GOSR2: variants seen among roughly 807,000 people sequenced by gnomAD.
GOSR2 encodes 27 kDa Golgi SNARE protein.
A neutral mutation model predicts 27.9 loss-of-function variants in GOSR2; 20 were observed. The observed-to-expected ratio is 0.72, with a 90% CI of 0.50 to 1.04. GOSR2 has a LOEUF of 1.04. Among genes scored for constraint, GOSR2 ranks in the 50% least tolerant of loss-of-function variants. The probability of loss-of-function intolerance (pLI) is 0.00; values close to 1 mark genes in which losing one functional copy is unlikely to be tolerated. For missense variants in GOSR2, 261 were observed against 270.5 expected (o/e 0.97, Z 0.25); for synonymous variants, 91 against 98.8 (o/e 0.92, Z 0.47).
chr17:46,933,216 T>C (rs1023508599), intron 4 of GOSR2: 2 of 152,284 alleles, frequency 1.3e-5, no homozygotes, highest in African/African-American at 4.8e-5. Flanking sequence ...CAGCCTGGCG[T>C]GATGCTGTGC....
At chr17:46,925,801 A>G (rs991977169) in intron 1 of GOSR2, among the ~76,000 whole-genome samples, 4 of 152,246 alleles carry the variant, frequency 2.6e-5, no homozygotes, top group Non-Finnish European at 5.9e-5. Context: ...TTAGATTGAC[A>G]TATTAAAGTT....
chr17:46,957,869 AG>A (rs1018203907), intron 6 of GOSR2, among the ~76,000 whole-genome samples: 34 of 152,194 alleles, frequency 2.2e-4, no homozygotes, highest in African/African-American at 8.2e-4. Context: ...ATGAGCACTC[AG>A]GGGAAACGGA....
chr17:46,942,024 T>G, downstream of GOSR2: 1 of 899,940 alleles, frequency 1.1e-6, no homozygotes, highest in Non-Finnish European at 1.3e-6. Context: ...TATCCTACCT[T>G]AGTCCAAAAA....
intron 6 of GOSR2, among the ~76,000 whole-genome samples, chr17:46,953,787 C>T (rs538733004): frequency 1.3e-5 from 2 of 152,228 alleles, no homozygotes; most frequent in Admixed American, 1.3e-4. Context: ...CTCTGATGGC[C>T]AGTGATGATG....
At position 46,939,920 on chromosome 17, in the gene GOSR2, C is replaced by A. The variant is rs1460438098; in HGVS notation, c.*1160C>A. On this transcript the variant is annotated 3_prime_UTR_variant, in exon 6 of 6. Coordinates refer to ENST00000640051, the MANE Select transcript of GOSR2 (RefSeq NM_004287.5). ...GAAAGACCTGGTTAGTGTATGTTCT[C>A]ATTTACCACAGGCCTACCAGCCCTG... The A allele has an allele frequency of 2.0e-6, 2 of 999,482 alleles. No homozygotes were observed. Among genetic ancestry groups the A allele is most frequent in the Admixed American group, 5.2e-5 (1 of 19,376 alleles). 61.9% of individuals were successfully genotyped at this position (999,482 alleles called of 1,614,324 possible).
chr17:46,931,461 C>T (rs1415578254), intron 3 of GOSR2: 21 of 536,786 alleles, frequency 3.9e-5, no homozygotes, highest in South Asian at 9.1e-5. Flanking sequence ...ATTTTGCCTC[C>T]AGTTCTGTTT....
In GOSR2 at chr17:46,974,987, C is replaced by CTT. The variant is rs58438726; in HGVS notation, c.616-187_616-186dup. Among the ~76,000 whole-genome samples, 877 of 118,932 alleles carry CTT rather than the reference C, an allele frequency of 7.4e-3. 57 individuals carry two copies. Among genetic ancestry groups the CTT allele is most frequent in the Admixed American group, 0.01 (117 of 11,228 alleles). The allele number at this position is 118,932 out of a possible 152,430, so 78.0% of individuals were successfully genotyped here. On this transcript the variant is annotated intron_variant, in intron 6 of 6. Coordinates refer to the GOSR2 transcript ENST00000640723. Reference sequence around the variant, plus strand: ...CTTTTCAAATATGAATTACTATTTTCTTTTTTTTTTTTTTTTTTTTTTTTT... The same window carrying CTT: ...CTTTTCAAATATGAATTACTATTTTCTTTTTTTTTTTTTTTTTTTTTTTTTTT...
chr17:46,965,339 T>G (rs1348329868), intron 6 of GOSR2, among the ~76,000 whole-genome samples: 1 of 152,232 alleles, frequency 6.6e-6, no homozygotes, highest in Non-Finnish European at 1.5e-5. Context: ...AAAGCCTGAG[T>G]GTTGCCTGTG....
At chr17:46,936,724 T>C (rs963340686) in intron 5 of GOSR2, 10 of 984,972 alleles carry the variant, frequency 1.0e-5, no homozygotes, top group Non-Finnish European at 1.2e-5. Context: ...ATAATCTGTG[T>C]GTTCAGAGCC....
At chr17:46,949,914 G>A (rs1383901174) in intron 6 of GOSR2, among the ~76,000 whole-genome samples, 1 of 152,194 alleles carries the variant, frequency 6.6e-6, no homozygotes, top group East Asian at 1.9e-4. Flanking sequence ...GAGGCCAGAC[G>A]CGGGGTGCCT....
chr17:46,936,390 CCT>C (rs2088356478), intron 5 of GOSR2: 17 of 985,260 alleles, frequency 1.7e-5, no homozygotes, highest in Non-Finnish European at 2.0e-5. Flanking sequence ...CATCAGCACA[CCT>C]CTTGCCACCC....
chr17:46,970,535 CAAAAAAAAAA>C (rs58781204), downstream of GOSR2, among the ~76,000 whole-genome samples: 2 of 51,208 alleles, frequency 3.9e-5, no homozygotes, highest in African/African-American at 1.4e-4. Context: ...GACTCCATCT[CAAAAAAAAAA>C]AAAAAAAAAA....
chr17:46,967,985 C>G (rs4968250), downstream of GOSR2, among the ~76,000 whole-genome samples: 67,626 of 151,978 alleles, frequency 0.44, 15,297 homozygotes, highest in South Asian at 0.52. Flanking sequence ...GGGTTTCCTG[C>G]TAGGTGGCTG....
chr17:46,931,011 A>C (rs1377970443), intron 2 of GOSR2, 88 bp from the exon 3 acceptor site: 1 of 773,058 alleles, frequency 1.3e-6, no homozygotes, highest in African/African-American at 1.7e-5. Context: ...AGTTTATTGG[A>C]TATTGAAAAA....
chr17:46,956,034 A>G (rs1172700146), intron 6 of GOSR2, among the ~76,000 whole-genome samples: 3 of 152,186 alleles, frequency 2.0e-5, no homozygotes, highest in African/African-American at 7.2e-5. Flanking sequence ...CCTCCTTGGC[A>G]AGACAGGAAG....
chr17:46,970,481 A>G (rs1232096014), downstream of GOSR2, among the ~76,000 whole-genome samples: 1 of 145,356 alleles, frequency 6.9e-6, no homozygotes, highest in East Asian at 2.2e-4. Context: ...CACAGGTTGC[A>G]GCAAGCCGAG....
intron 6 of GOSR2, among the ~76,000 whole-genome samples, chr17:46,962,486 A>G (rs1167992076): frequency 1.3e-5 from 2 of 152,142 alleles, no homozygotes; most frequent in African/African-American, 4.8e-5. Context: ...GTGGCAGAAG[A>G]GAAAGTATGC....
At chr17:46,928,752 C>G (rs2086870461) in intron 1 of GOSR2, among the ~76,000 whole-genome samples, 1 of 152,180 alleles carries the variant, frequency 6.6e-6, no homozygotes, top group African/African-American at 2.4e-5. Context: ...CAACCCGATT[C>G]CCTTTCAAGC....
Position 46,939,780 on chromosome 17 carries a change from T to A in GOSR2, c.*1020T>A. ...TTTTCAGGGACTACAACCTTTTTCC[T>A]TCTGTGACCAGCCCCGGATTCAGGC... On this transcript the variant is annotated 3_prime_UTR_variant, in exon 6 of 6. Coordinates refer to ENST00000640051, the MANE Select transcript of GOSR2 (RefSeq NM_004287.5). 1.0e-6 allele frequency: 1 copy of A among 987,626 alleles called. No individual in the cohort carries two copies. The highest frequency in any genetic ancestry group is 4.7e-5 in the South Asian group (1 of 21,390). 61.2% of individuals were successfully genotyped at this position (987,626 alleles called of 1,614,324 possible).
Sources: gnomAD v4.1 joint callset for allele counts (sites outside exome capture counted in the v4.1 genomes callset) on GRCh38, gnomAD v4.1.1 for gene constraint, MANE v1.5 for transcripts, NCBI Gene and HGNC (gene_info 2026-07-23, HGNC 2026-07-21) for gene names.